Variants in BLTP3B observed in about 807,000 individuals in gnomAD.
BLTP3B encodes the protein bridge-like lipid transfer protein family member 3B.
the BLTP3B span, among the ~76,000 whole-genome samples, chr12:100,094,616 G>C: frequency 6.6e-6 from 1 of 152,292 alleles, no homozygotes. Flanking sequence ...CAGCATTTTG[G>C]GAGGCCAAGG....
the BLTP3B span, chr12:100,086,503 T>C: frequency 3.4e-6 from 2 of 590,316 alleles, no homozygotes; most frequent in Non-Finnish European, 5.9e-6. Flanking sequence ...TTTTAGGAAA[T>C]ATAATTCAAT....
chr12:100,040,148 GA>G, the BLTP3B span, among the ~76,000 whole-genome samples: 1 of 152,104 alleles, frequency 6.6e-6, no homozygotes, highest in South Asian at 2.1e-4. Context: ...GAAATTACTA[GA>G]ATCAGAAACG....
chr12:100,135,136 T>C, the BLTP3B span, among the ~76,000 whole-genome samples: 5 of 152,214 alleles, frequency 3.3e-5, no homozygotes, highest in African/African-American at 1.2e-4. Flanking sequence ...CTTCCTCTTC[T>C]CACTTTACTC....
chr12:100,084,476 CTGTTTG>C, the BLTP3B span: 1 of 1,609,058 alleles, frequency 6.2e-7, no homozygotes, highest in South Asian at 1.1e-5. Flanking sequence ...GGTAAAATAC[CTGTTTG>C]TGTGTGCTGG....
At chr12:100,053,686 G>C in the BLTP3B span, among the ~76,000 whole-genome samples, 3 of 152,112 alleles carry the variant, frequency 2.0e-5, no homozygotes, top group Non-Finnish European at 4.4e-5. Context: ...ACCAAAAGTT[G>C]ACGGTAGTTA....
the BLTP3B span, among the ~76,000 whole-genome samples, chr12:100,129,726 T>C: frequency 6.6e-6 from 1 of 152,098 alleles, no homozygotes; most frequent in Non-Finnish European, 1.5e-5. Flanking sequence ...AGGCCTATTA[T>C]GAAGAGATAC....
At chr12:100,079,691 T>C in the BLTP3B span, among the ~76,000 whole-genome samples, 1 of 152,188 alleles carries the variant, frequency 6.6e-6, no homozygotes, top group African/African-American at 2.4e-5. Context: ...AAGAGAAGCC[T>C]AATGTTAATC....
chr12:100,051,306 C>A, the BLTP3B span: 1 of 1,253,920 alleles, frequency 8.0e-7, no homozygotes, highest in Non-Finnish European at 1.1e-6. Context: ...CAAAAATGGA[C>A]TATCCCTTCA....
chr12:100,087,158 CAAAAAA>C, the BLTP3B span, among the ~76,000 whole-genome samples: 5 of 59,892 alleles, frequency 8.3e-5, no homozygotes, highest in Non-Finnish European at 1.6e-4. Context: ...GACTCCATCT[CAAAAAA>C]AAAAAAAAAA....
At chr12:100,056,305 C>G in the BLTP3B span, among the ~76,000 whole-genome samples, 1 of 152,060 alleles carries the variant, frequency 6.6e-6, no homozygotes, top group Non-Finnish European at 1.5e-5. Context: ...CTTGGACTTC[C>G]CAGCCTCCAG....
chr12:100,096,002 A>G, the BLTP3B span, among the ~76,000 whole-genome samples: 2 of 152,230 alleles, frequency 1.3e-5, no homozygotes, highest in Admixed American at 1.3e-4. Flanking sequence ...CTGCAATCCC[A>G]GCACTCTGGG....
At chr12:100,053,546 T>C in the BLTP3B span, among the ~76,000 whole-genome samples, 1 of 152,212 alleles carries the variant, frequency 6.6e-6, no homozygotes, top group African/African-American at 2.4e-5. Flanking sequence ...AATATGTACA[T>C]ACATTCACAA....
At chr12:100,127,219 G>C in the BLTP3B span, among the ~76,000 whole-genome samples, 1 of 152,152 alleles carries the variant, frequency 6.6e-6, no homozygotes, top group Non-Finnish European at 1.5e-5. Context: ...AACAATAAAA[G>C]ACCTTAACTA....
the BLTP3B span, among the ~76,000 whole-genome samples, chr12:100,039,061 C>T: frequency 6.6e-6 from 1 of 151,980 alleles, no homozygotes; most frequent in South Asian, 2.1e-4. Context: ...TAGCTCAGAG[C>T]TGACATTGAA....
the BLTP3B span, chr12:100,037,815 T>C: frequency 7.0e-7 from 1 of 1,426,304 alleles, no homozygotes; most frequent in Non-Finnish European, 9.5e-7. Context: ...ATACAGACTA[T>C]TTATATAGTA....
chr12:100,115,669 T>A, the BLTP3B span, among the ~76,000 whole-genome samples: 8 of 151,118 alleles, frequency 5.3e-5, no homozygotes, highest in African/African-American at 1.9e-4. Flanking sequence ...GAGACTGAGG[T>A]AGGAAGATCC....
the BLTP3B span, among the ~76,000 whole-genome samples, chr12:100,042,170 T>A: frequency 6.6e-6 from 1 of 152,304 alleles, no homozygotes; most frequent in African/African-American, 2.4e-5. Context: ...ATGGAAATAC[T>A]CCCCAAATTT....
chr12:100,099,032 G>A, the BLTP3B span, among the ~76,000 whole-genome samples: 394 of 150,752 alleles, frequency 2.6e-3, 1 homozygote, highest in Non-Finnish European at 4.4e-3. Context: ...CAACTCTGTC[G>A]CCCAGGCTGG....
the BLTP3B span, chr12:100,051,765 A>C: frequency 1.3e-5 from 2 of 152,324 alleles, no homozygotes; most frequent in Admixed American, 6.5e-5. Flanking sequence ...TTTCCACTAA[A>C]GTGAACAAGC....
Sources: allele counts gnomAD v4.1 joint callset (sites outside exome capture counted in the v4.1 genomes callset), GRCh38; gene constraint gnomAD v4.1.1; transcripts MANE v1.5; gene names NCBI Gene and HGNC (gene_info 2026-07-23, HGNC 2026-07-21).